FCHSD2: variants seen among roughly 807,000 people sequenced by gnomAD.
FCHSD2 encodes F-BAR and double SH3 domains protein 2.
In FCHSD2, 38 loss-of-function variants were observed where a neutral mutation model predicts 108.1. The observed-to-expected ratio is 0.35, with a 90% CI of 0.27 to 0.46. The LOEUF (loss-of-function observed/expected upper bound fraction) is 0.46. FCHSD2 is among the 20% of genes least tolerant of loss of function. FCHSD2 has a pLI of 1.00. For synonymous variants in FCHSD2, 279 were observed against 314.7 expected (o/e 0.89, Z 1.20); for missense variants, 751 against 897.8 (o/e 0.84, Z 2.09).
chr11:72,889,525 C>A (rs937805100), intron 11 of FCHSD2, among the ~76,000 whole-genome samples: 26 of 152,084 alleles, frequency 1.7e-4, no homozygotes, highest in Non-Finnish European at 1.0e-4. Context: ...GCCTGGGAAA[C>A]ATGGCAAGAC....
intron 3 of FCHSD2, among the ~76,000 whole-genome samples, chr11:73,076,671 A>G (rs533913668): frequency 6.6e-6 from 1 of 152,366 alleles, no homozygotes; most frequent in African/African-American, 2.4e-5. Context: ...CTTAAGATTG[A>G]TGAATCATTA....
chr11:72,996,603 T>C (rs567403889), intron 5 of FCHSD2, among the ~76,000 whole-genome samples: 2 of 152,270 alleles, frequency 1.3e-5, no homozygotes, highest in African/African-American at 2.4e-5. Context: ...TGTAATACAA[T>C]TGTGTTTATC....
In FCHSD2 at chr11:72,988,954, A is replaced by G; in HGVS notation, c.521+10T>C. The G allele has an allele frequency of 1.3e-6, 2 of 1,595,508 alleles. No homozygotes were observed. Among genetic ancestry groups the G allele is most frequent in the Non-Finnish European group, 1.7e-6 (2 of 1,171,828 alleles). ...CATAATAATTTTCTCAGAAATGTTA[A>G]AACACATACTTTGCCTCGATGTCAG... On this transcript the variant is annotated intron_variant, in intron 6 of 19. Transcript: ENST00000409418.
intron 12 of FCHSD2, among the ~76,000 whole-genome samples, chr11:72,887,125 G>A (rs1364946795): frequency 6.7e-6 from 1 of 150,184 alleles, no homozygotes; most frequent in Non-Finnish European, 1.5e-5. Flanking sequence ...TGATATATAA[G>A]GAGATATATA....
intron 2 of FCHSD2, among the ~76,000 whole-genome samples, chr11:73,111,221 TCGC>T (rs1436627664): frequency 6.6e-6 from 1 of 152,200 alleles, no homozygotes; most frequent in African/African-American, 2.4e-5. Context: ...TGATGTTTCT[TCGC>T]TGATTTTCTG....
chr11:73,047,755 T>G (rs944760696), intron 3 of FCHSD2, among the ~76,000 whole-genome samples: 3 of 152,236 alleles, frequency 2.0e-5, no homozygotes, highest in African/African-American at 7.2e-5. Context: ...CAAAATGCTA[T>G]AAAATGTATT....
chr11:72,843,622 A>G (rs1861034919), intron 14 of FCHSD2, 90 bp from the exon 15 acceptor site: 4 of 801,140 alleles, frequency 5.0e-6, no homozygotes, highest in East Asian at 2.5e-5. Context: ...GGATCAAAAT[A>G]TTGAAATGAT....
Position 72,876,106 on chromosome 11 carries a change from C to A in FCHSD2, c.1147-8080G>T, listed in dbSNP as rs572533645. ...AGGCTGATGTGGGAGGATTGCTGAGCCCAGGAATTCGAGGTTTGAGGCAGC... is the reference window on the plus strand; with the variant it reads ...AGGCTGATGTGGGAGGATTGCTGAGACCAGGAATTCGAGGTTTGAGGCAGC... On this transcript the variant is annotated intron_variant, in intron 12 of 19. Coordinates refer to ENST00000409418, the MANE Select transcript of FCHSD2 (RefSeq NM_014824.3). Among the ~76,000 whole-genome samples the A allele has an allele frequency of 2.4e-4, 37 of 152,148 alleles. 1 individual carries two copies. The South Asian group carries it at 7.5e-3, about 31-fold the overall frequency.
chr11:73,086,014 A>T (rs1405293008), intron 2 of FCHSD2, among the ~76,000 whole-genome samples: 1 of 152,252 alleles, frequency 6.6e-6, no homozygotes, highest in Non-Finnish European at 1.5e-5. Flanking sequence ...ATTAAAGGGC[A>T]AAATGGTAAA....
chr11:72,845,180 G>C (rs1417419188), intron 14 of FCHSD2, among the ~76,000 whole-genome samples: 1 of 152,118 alleles, frequency 6.6e-6, no homozygotes, highest in African/African-American at 2.4e-5. Context: ...CAGCACTTTG[G>C]GAGGCCAAGG....
intron 8 of FCHSD2, among the ~76,000 whole-genome samples, chr11:72,970,441 CAAAT>C (rs1454407546): frequency 6.6e-6 from 1 of 152,068 alleles, no homozygotes; most frequent in Non-Finnish European, 1.5e-5. Flanking sequence ...ACTAAGATAA[CAAAT>C]AATCATGTGT....
rs148012524 is a variant in FCHSD2, at chr11:72,996,560, T to C, written c.387+4430A>G. ...ATTTTGAAAAATGTAATAATTCTCA[T>C]AATCCTCATTATAAACTGGGGCTCT... On this transcript the variant is annotated intron_variant, in intron 5 of 19. Coordinates refer to ENST00000409418, the MANE Select transcript of FCHSD2 (RefSeq NM_014824.3). Among the ~76,000 whole-genome samples the C allele has an allele frequency of 1.1e-3, 163 of 152,330 alleles. 2 individuals are homozygous for C. In the East Asian group the frequency reaches 0.027, roughly 25 times the overall value.
rs2135428741 is a variant in FCHSD2, at chr11:73,011,480, A to G, written c.242+4329T>C. Among the ~76,000 whole-genome samples the G allele has an allele frequency of 2.0e-5, 3 of 152,312 alleles. No individual in the cohort carries two copies. The East Asian group carries it at 5.8e-4, about 29-fold the overall frequency. On this transcript the variant is annotated intron_variant, in intron 4 of 19. Transcript: ENST00000409418. ...AGTGTTAACCCACAGCTTGGCCCCA[A>G]GGGCAGCAGCTCACACTTCTCTTGT...
At chr11:72,932,529 T>A (rs1347191906) in intron 8 of FCHSD2, among the ~76,000 whole-genome samples, 2 of 152,356 alleles carry the variant, frequency 1.3e-5, no homozygotes, top group East Asian at 3.9e-4. Context: ...TTTTGGCTTC[T>A]CCAATACTCC....
intron 8 of FCHSD2, among the ~76,000 whole-genome samples, chr11:72,930,009 GAAGTA>G (rs1479667838): frequency 3.3e-5 from 5 of 152,126 alleles, no homozygotes; most frequent in African/African-American, 9.7e-5. Context: ...TTTTGAGAGT[GAAGTA>G]GAGAATGAGG....
intron 8 of FCHSD2, among the ~76,000 whole-genome samples, chr11:72,968,928 T>C (rs902083208): frequency 2.6e-5 from 4 of 152,352 alleles, no homozygotes; most frequent in African/African-American, 9.6e-5. Flanking sequence ...CAGTTATCCT[T>C]TCCTTCAAAA....
chr11:73,055,046 A>G (rs1008139240), intron 3 of FCHSD2, among the ~76,000 whole-genome samples: 2 of 152,188 alleles, frequency 1.3e-5, no homozygotes, highest in African/African-American at 4.8e-5. Context: ...GGAAGGCAAA[A>G]GGAGGAACAA....
In FCHSD2 at chr11:72,841,570, G is replaced by C. The variant is rs772469113; in HGVS notation, c.1940C>G (p.Pro647Arg). The part of the protein sequence containing the change: ...WMREIQISPS[P>R]KPHASLPPLP... The stretch of plus-strand genomic sequence containing the variant: ...TGGAGGCAGGGAGGCGTGTGGCTTG[G>C]GGGAAGGAGAGATCTGCAGCAAAGG... The change falls in exon 18 of 20, where the codon CCC becomes CGC. Residue 647 changes from proline (P) to arginine (R), a missense_variant. By Grantham distance (103) the Pro-to-Arg change is moderately radical. Transcript: ENST00000409418. 4 of 1,606,198 alleles carry C rather than the reference G, an allele frequency of 2.5e-6. No homozygotes were observed. The highest frequency in any genetic ancestry group is 1.7e-5 in the Admixed American group (1 of 58,100).
rs142130423 is a variant in FCHSD2 at position 73,061,270 on chromosome 11, G to A, written c.165+22425C>T. Among the ~76,000 whole-genome samples, 20 of 152,332 alleles carry A rather than the reference G, an allele frequency of 1.3e-4. No homozygotes were observed. The East Asian group carries it at 3.7e-3, about 28-fold the overall frequency. On this transcript the variant is annotated intron_variant, in intron 3 of 19. Coordinates refer to ENST00000409418, the MANE Select transcript of FCHSD2 (RefSeq NM_014824.3). Reference sequence around the variant, plus strand: ...GAGGGACTGAGCCTGAAGAACTCTGGAACAGATACTGTGCTTGTCGCATGG... The same window carrying A: ...GAGGGACTGAGCCTGAAGAACTCTGAAACAGATACTGTGCTTGTCGCATGG...
Sources: allele counts gnomAD v4.1 joint callset (sites outside exome capture counted in the v4.1 genomes callset), GRCh38; gene constraint gnomAD v4.1.1; transcripts MANE v1.5; gene names NCBI Gene and HGNC (gene_info 2026-07-23, HGNC 2026-07-21).